Variants in DOK1 observed in about 807,000 individuals in gnomAD.
DOK1 encodes Downstream of tyrosine kinase 1.
A neutral mutation model predicts 24.0 loss-of-function variants in DOK1; 12 were observed. The observed-to-expected ratio is 0.50, with a 90% CI of 0.32 to 0.81. The LOEUF is 0.81. DOK1 is among the 30% of genes least tolerant of loss of function. DOK1 has a pLI of 0.03. For synonymous variants in DOK1, 250 were observed against 260.9 expected (o/e 0.96, Z 0.40); for missense variants, 591 against 620.7 (o/e 0.95, Z 0.51).
At chr2:74,552,195 G>A, upstream of DOK1, 1 of 845,164 alleles carries the variant, frequency 1.2e-6, no homozygotes. Flanking sequence ...TGTCATCCAT[G>A]GATTTACTCA....
At chr2:74,549,800 C>A (rs1235607116), upstream of DOK1, 10 of 1,413,174 alleles carry the variant, frequency 7.1e-6, no homozygotes, top group Non-Finnish European at 9.2e-6. This position sits in a 1 kb window ranked among gnomAD's most constrained non-coding sequence, Gnocchi z 5.3. Context: ...AGAGAGGATT[C>A]AGGGCACTAG....
At chr2:74,552,799 G>A (rs1382669740), upstream of DOK1, 1 of 653,476 alleles carries the variant, frequency 1.5e-6, no homozygotes. Context: ...CAGGGACCAA[G>A]AGACAGGGAG....
In DOK1 at chr2:74,556,045, C is replaced by G. The variant is rs376158316; in HGVS notation, c.606C>G (p.Pro202=). The G allele has an allele frequency of 4.4e-6, 7 of 1,607,904 alleles. No individual in the cohort carries two copies. Among genetic ancestry groups the G allele is most frequent in the Non-Finnish European group, 5.9e-6 (7 of 1,176,678 alleles). The change falls in exon 4 of 5, where the codon CCC becomes CCG. Residue 202 remains proline, a synonymous_variant. Transcript: ENST00000233668. This position sits in a 1 kb window ranked among gnomAD's most constrained non-coding sequence, Gnocchi z 4.1. ...SQILEPLLSW[P]YTLLRRYGRD... ...TACTGGAGCCACTCCTGTCCTGGCCCTACACTCTGTTGCGTCGCTATGGCC... is the reference window on the plus strand; with the variant it reads ...TACTGGAGCCACTCCTGTCCTGGCCGTACACTCTGTTGCGTCGCTATGGCC...
Position 74,556,082 on chromosome 2 carries a change from C to T in DOK1, c.639+4C>T, listed in dbSNP as rs1271576376. 2 of 1,578,820 alleles carry T rather than the reference C, an allele frequency of 1.3e-6. No homozygotes were observed. Among genetic ancestry groups the T allele is most frequent in the South Asian group, 1.2e-5 (1 of 85,998 alleles). On this transcript the variant is annotated splice_donor_region_variant and intron_variant, in intron 4 of 4. Coordinates refer to ENST00000233668, the MANE Select transcript of DOK1 (RefSeq NM_001381.5). This position sits in a 1 kb window ranked among gnomAD's most constrained non-coding sequence, Gnocchi z 4.1. ...GCGTCGCTATGGCCGGGACAAGGTG[C>T]AGGGGCTGTCCGGGAGGGCTTCCTG...
chr2:74,552,691 G>A (rs1199374412), upstream of DOK1: 53 of 1,438,788 alleles, frequency 3.7e-5, no homozygotes, highest in Non-Finnish European at 4.6e-5. Context: ...AACAGATTGA[G>A]TGGGGCCCAG....
chr2:74,554,421 T>TGGCTTTCACTCTGACGTCAC (rs1001809605), upstream of DOK1: 7 of 366,458 alleles, frequency 1.9e-5, no homozygotes, highest in Non-Finnish European at 3.0e-5. The surrounding 1 kb of genome is among the most constrained non-coding windows in gnomAD (Gnocchi z 4.9). Flanking sequence ...GGTGATGTCA[T>TGGCTTTCACTCTGACGTCAC]GGCTTTCACT....
At chr2:74,549,925 G>A, upstream of DOK1, 1 of 985,476 alleles carries the variant, frequency 1.0e-6, no homozygotes, top group Non-Finnish European at 1.2e-6. The surrounding 1 kb of genome is among the most constrained non-coding windows in gnomAD (Gnocchi z 5.3). Flanking sequence ...CATTTGAGGA[G>A]AAGGAGAGCA....
upstream of DOK1, chr2:74,550,118 C>T (rs577511968): frequency 1.5e-4 from 223 of 1,531,986 alleles, 2 homozygotes; most frequent in African/African-American, 2.7e-3. Flanking sequence ...AATGTCTCCG[C>T]TAACCACCCC....
Position 74,556,801 on chromosome 2 carries a change from A to T in DOK1, c.1133A>T (p.Asp378Val). The T allele has an allele frequency of 6.2e-7, 1 of 1,614,102 alleles. No homozygotes were observed. The highest frequency in any genetic ancestry group is 8.5e-7 in the Non-Finnish European group (1 of 1,180,000). Residue 378 changes from aspartate (D) to valine (V), a missense_variant, in exon 5 of 5, where the codon GAT becomes GTT. Transcript: ENST00000233668. The surrounding 1 kb of genome is among the most constrained non-coding windows in gnomAD (Gnocchi z 4.1). ...LAPVPPQGLY[D>V]LPREPKDAWW... ...CCAGTCCCTCCCCAGGGCCTTTATGATCTGCCTCGGGAGCCCAAGGATGCA... is the reference window on the plus strand; with the variant it reads ...CCAGTCCCTCCCCAGGGCCTTTATGTTCTGCCTCGGGAGCCCAAGGATGCA...
Position 74,556,825 on chromosome 2 carries a change from C to A in DOK1, c.1157C>A (p.Ala386Glu). Residue 386 changes from alanine to glutamate, a missense_variant, in exon 5 of 5, where the codon GCA becomes GAA. Transcript: ENST00000233668. The surrounding 1 kb of genome is among the most constrained non-coding windows in gnomAD (Gnocchi z 4.1). Reference sequence around the variant, plus strand: ...GATCTGCCTCGGGAGCCCAAGGATGCATGGTGGTGCCAAGCTCGGGTGAAG... The same window carrying A: ...GATCTGCCTCGGGAGCCCAAGGATGAATGGTGGTGCCAAGCTCGGGTGAAG... The part of the protein sequence containing the change: ...LYDLPREPKD[A>E]WWCQARVKEE... The A allele has an allele frequency of 6.2e-7, 1 of 1,614,176 alleles. No individual in the cohort carries two copies.
In DOK1 at chr2:74,557,179, G is replaced by A. The variant is rs548629791; in HGVS notation, c.*65G>A. On this transcript the variant is annotated 3_prime_UTR_variant, in exon 5 of 5. Transcript: ENST00000233668. ...GGAGGTGGCACTAGGGATCAAAGAA[G>A]ATGGTTAGAACCAGCAGAAGCCAGA... The A allele has an allele frequency of 1.0e-4, 156 of 1,515,646 alleles. 1 individual carries two copies. In the South Asian group the frequency reaches 1.3e-3, roughly 12 times the overall value. 93.9% of individuals were successfully genotyped at this position (1,515,646 alleles called of 1,614,324 possible).
In DOK1 at chr2:74,556,468, C is replaced by G; in HGVS notation, c.800C>G (p.Ala267Gly). Reference sequence around the variant, plus strand: ...GGACAGGGGCACGATGTTCTCAGAGCTGACTCCCATGAAGGGGAGGTGGCA... The same window carrying G: ...GGACAGGGGCACGATGTTCTCAGAGGTGACTCCCATGAAGGGGAGGTGGCA... The part of the protein sequence containing the change: ...KAGQGHDVLR[A>G]DSHEGEVAEG... The change falls in exon 5 of 5, where the codon GCT becomes GGT. Residue 267 changes from alanine to glycine, a missense_variant. Transcript: ENST00000233668. The surrounding 1 kb of genome is among the most constrained non-coding windows in gnomAD (Gnocchi z 4.1). 6.2e-7 allele frequency: 1 copy of G among 1,614,232 alleles called. No homozygotes were observed. Among genetic ancestry groups the G allele is most frequent in the Non-Finnish European group, 8.5e-7 (1 of 1,180,040 alleles).
Position 74,554,939 on chromosome 2 carries a change from C to G in DOK1, c.60+125C>G. On this transcript the variant is annotated intron_variant, in intron 1 of 4. Transcript: ENST00000233668. This position sits in a 1 kb window ranked among gnomAD's most constrained non-coding sequence, Gnocchi z 4.9. ...GGAGTTGGAGAGCCTGTGACTTTCC[C>G]GTGAAGTTGCTTTGCACACTCCCGG... The G allele has an allele frequency of 6.6e-7, 1 of 1,504,202 alleles. No individual in the cohort carries two copies. Among genetic ancestry groups the G allele is most frequent in the Non-Finnish European group, 9.1e-7 (1 of 1,104,062 alleles). The allele number at this position is 1,504,202 out of a possible 1,614,324, so 93.2% of individuals were successfully genotyped here.
rs1405621109 is a variant in DOK1, at chr2:74,549,344, C to G, written c.-358+172C>G. On this transcript the variant is annotated intron_variant, in intron 1 of 4. Transcript: ENST00000409429. The surrounding 1 kb of genome is among the most constrained non-coding windows in gnomAD (Gnocchi z 5.3). ...GGGAGCACCCCAATCCCGGCCTGCT[C>G]CGCCCGGCGCCCGCGGCCCCTCACC... 6.5e-7 allele frequency: 1 copy of G among 1,547,076 alleles called. No homozygotes were observed. The highest frequency in any genetic ancestry group is 8.7e-7 in the Non-Finnish European group (1 of 1,143,694).
chr2:74,555,322 AC>A lies in DOK1; in HGVS notation c.231del (p.Val78TrpfsTer80). The A allele has an allele frequency of 1.9e-6, 3 of 1,613,878 alleles. No individual in the cohort carries two copies. The highest frequency in any genetic ancestry group is 2.5e-6 in the Non-Finnish European group (3 of 1,179,954). On this transcript the variant is annotated frameshift_variant, in exon 2 of 5. Transcript: ENST00000233668. LOFTEE classifies it high-confidence loss of function. This position sits in a 1 kb window ranked among gnomAD's most constrained non-coding sequence, Gnocchi z 6.1. ...LAECVSVAPV[T>X]VETPPEPGAT... ...TGAGTGTGTGAGTGTGGCCCCCGTC[AC>A]CGTGGAGACCCCCCCTGAGCCCGGC...
chr2:74,550,418 G>C, upstream of DOK1: 1 of 1,528,056 alleles, frequency 6.5e-7, no homozygotes, highest in Non-Finnish European at 8.9e-7. Context: ...GGGATGTAGG[G>C]AAGAGTGAGT....
chr2:74,550,162 G>T (rs753617669), upstream of DOK1: 5 of 1,607,220 alleles, frequency 3.1e-6, no homozygotes, highest in Non-Finnish European at 4.3e-6. Flanking sequence ...TAGTGTGTGT[G>T]TGTATGTCTA....
In DOK1 at chr2:74,549,404, G is replaced by A. The variant is rs1676843818; in HGVS notation, c.-358+232G>A. On this transcript the variant is annotated intron_variant, in intron 1 of 4. Transcript: ENST00000409429. The surrounding 1 kb of genome is among the most constrained non-coding windows in gnomAD (Gnocchi z 5.3). Reference sequence around the variant, plus strand: ...CCGCGTTGACCCTCTTTTCGCTGGGGAAGCCCAGCATCCCGCAGACCACGT... The same window carrying A: ...CCGCGTTGACCCTCTTTTCGCTGGGAAAGCCCAGCATCCCGCAGACCACGT... 6.2e-7 allele frequency: 1 copy of A among 1,611,330 alleles called. No homozygotes were observed. The highest frequency in any genetic ancestry group is 1.7e-5 in the Admixed American group (1 of 59,832).
In DOK1 at chr2:74,556,495, A is replaced by C; in HGVS notation, c.827A>C (p.Glu276Ala). 1 of 1,614,098 alleles carries C rather than the reference A, an allele frequency of 6.2e-7. No homozygotes were observed. The highest frequency in any genetic ancestry group is 8.5e-7 in the Non-Finnish European group (1 of 1,179,984). The change falls in exon 5 of 5, where the codon GAG becomes GCG. Residue 276 changes from glutamate (E) to alanine (A), a missense_variant. Transcript: ENST00000233668. This position sits in a 1 kb window ranked among gnomAD's most constrained non-coding sequence, Gnocchi z 4.1. ...RADSHEGEVAEGKLPSPPGPQ... is the reference protein window; with the variant it reads ...RADSHEGEVAAGKLPSPPGPQ... ...GACTCCCATGAAGGGGAGGTGGCAG[A>C]GGGGAAGTTGCCTTCCCCACCTGGC...
Sources: gnomAD v4.1 joint callset for allele counts on GRCh38, gnomAD v4.1.1 for gene constraint, Gnocchi (gnomAD v3.1) non-coding constraint, MANE v1.5 for transcripts, NCBI Gene and HGNC (gene_info 2026-07-23, HGNC 2026-07-21) for gene names.